Variants in ZNF140 observed in about 807,000 individuals in gnomAD.
ZNF140 encodes the protein zinc finger protein 140 (clone pHZ-39).
ZNF140 carries 13 observed loss-of-function variants against 12.9 expected under a neutral mutation model. The ratio of observed to expected loss-of-function variants is 1.01; its 90% CI spans 0.66 to 1.60. ZNF140 has a LOEUF of 1.60. ZNF140 is among the 40% of genes most tolerant of loss of function. The pLI is 0.00. For missense variants in ZNF140, 531 were observed against 548.8 expected (o/e 0.97, Z 0.32); for synonymous variants, 214 against 186.7 (o/e 1.15, Z -1.19).
chr12:133,095,186 G>T (rs1955024263), intron 4 of ZNF140, among the ~76,000 whole-genome samples: 1 of 150,968 alleles, frequency 6.6e-6, no homozygotes, highest in Non-Finnish European at 1.5e-5. Context: ...AAAGTTCCCT[G>T]TTCTGGAAAC....
chr12:133,105,453 C>T (rs1323963126), intron 4 of ZNF140, 57 bp from the exon 5 acceptor site: 15 of 1,471,956 alleles, frequency 1.0e-5, no homozygotes, highest in Non-Finnish European at 1.3e-5. Context: ...GAGAAATGGC[C>T]TTATTTTATT....
chr12:133,089,606 C>A (rs1954789489), intron 4 of ZNF140, among the ~76,000 whole-genome samples: 1 of 152,092 alleles, frequency 6.6e-6, no homozygotes, highest in African/African-American at 2.4e-5. Context: ...AGGAATTGGA[C>A]CATTTTAGCT....
At chr12:133,096,698 G>A (rs1041618829) in intron 4 of ZNF140, among the ~76,000 whole-genome samples, 30 of 152,224 alleles carry the variant, frequency 2.0e-4, no homozygotes, top group Admixed American at 1.4e-3. Flanking sequence ...TTCTGTTACT[G>A]ATTTCTGGTT....
At chr12:133,082,970 A>G in intron 2 of ZNF140, 133 bp from the exon 3 acceptor site, 1 of 1,357,260 alleles carries the variant, frequency 7.4e-7, no homozygotes, top group Non-Finnish European at 1.0e-6. Context: ...ATAATTACTC[A>G]GAATTCTGAA....
rs758545809 is a variant in ZNF140 at position 133,105,951 on chromosome 12, C to G, written c.674C>G (p.Thr225Arg). The change falls in exon 5 of 5, where the codon ACA becomes AGA. Residue 225 changes from threonine (T) to arginine (R), a missense_variant. Transcript: ENST00000355557. ...KPHECKDCNK[T>R]FSYLSFLIEH... Reference sequence around the variant, plus strand: ...CATGAGTGTAAGGACTGTAATAAAACATTCAGTTACCTTTCATTTCTTATT... The same window carrying G: ...CATGAGTGTAAGGACTGTAATAAAAGATTCAGTTACCTTTCATTTCTTATT... 6.2e-7 allele frequency: 1 copy of G among 1,614,098 alleles called. No individual in the cohort carries two copies. The highest frequency in any genetic ancestry group is 2.2e-5 in the East Asian group (1 of 44,880).
chr12:133,090,690 C>T (rs1292307006), intron 4 of ZNF140, among the ~76,000 whole-genome samples: 11 of 149,332 alleles, frequency 7.4e-5, no homozygotes, highest in Middle Eastern at 3.4e-3. Flanking sequence ...GCACCAGCAC[C>T]GGCCTCTGAG....
At chr12:133,105,238 C>T (rs1339932228) in intron 4 of ZNF140, among the ~76,000 whole-genome samples, 1 of 152,158 alleles carries the variant, frequency 6.6e-6, no homozygotes, top group South Asian at 2.1e-4. Flanking sequence ...AGACTAGCAA[C>T]CTATCCTTCA....
chr12:133,101,171 G>A, intron 4 of ZNF140: 1 of 241,400 alleles, frequency 4.1e-6, no homozygotes, highest in Non-Finnish European at 8.5e-6. Context: ...ACCTTGCTTG[G>A]TGTTCTCTGT....
Position 133,106,578 on chromosome 12 carries a change from C to G in ZNF140, c.1301C>G (p.Thr434Arg), listed in dbSNP as rs754434290. The change falls in exon 5 of 5, where the codon ACA becomes AGA. Residue 434 changes from threonine (T) to arginine (R), a missense_variant. Thr to Arg is a moderately conservative substitution (Grantham distance 71, BLOSUM62 -1). Coordinates refer to ENST00000355557, the MANE Select transcript of ZNF140 (RefSeq NM_003440.4). ...TCAAACCTTGCTAAACATCAGAGGACACACACTCTTGACAACCCCTATGAA... is the reference window on the plus strand; with the variant it reads ...TCAAACCTTGCTAAACATCAGAGGAGACACACTCTTGACAACCCCTATGAA... Reference protein sequence around the residue: ...WSSNLAKHQRTHTLDNPYEYE... With the variant: ...WSSNLAKHQRRHTLDNPYEYE... 6.2e-7 allele frequency: 1 copy of G among 1,613,528 alleles called. No homozygotes were observed. The highest frequency in any genetic ancestry group is 8.5e-7 in the Non-Finnish European group (1 of 1,179,912).
At chr12:133,095,284 A>G (rs1041183496) in intron 4 of ZNF140, among the ~76,000 whole-genome samples, 1 of 151,072 alleles carries the variant, frequency 6.6e-6, no homozygotes, top group Admixed American at 6.6e-5. Context: ...GAGAATTTTA[A>G]TGAAGCTGAG....
intron 4 of ZNF140, among the ~76,000 whole-genome samples, chr12:133,090,846 C>G (rs1344269649): frequency 7.7e-6 from 1 of 129,184 alleles, no homozygotes; most frequent in African/African-American, 2.8e-5. Context: ...GGTACTATGC[C>G]TAGATGTGCA....
intron 4 of ZNF140, among the ~76,000 whole-genome samples, chr12:133,101,949 T>G (rs1265372672): frequency 6.6e-6 from 1 of 152,126 alleles, no homozygotes; most frequent in South Asian, 2.1e-4. Context: ...GCTTGTTCAG[T>G]CTGTTCAAAC....
At chr12:133,096,163 T>C (rs770293386) in intron 4 of ZNF140, among the ~76,000 whole-genome samples, 2,869 of 144,116 alleles carry the variant, frequency 0.02, 74 homozygotes, top group Non-Finnish European at 0.03. Flanking sequence ...GAGGTCCCTG[T>C]GGCTTTCTGC....
chr12:133,095,540 G>A (rs1372902995), intron 4 of ZNF140, among the ~76,000 whole-genome samples: 3 of 151,752 alleles, frequency 2.0e-5, no homozygotes, highest in Non-Finnish European at 4.4e-5. Context: ...ACTGAGAAAA[G>A]AAAGAAGACA....
In ZNF140 at chr12:133,106,097, A is replaced by G. The variant is rs904638457; in HGVS notation, c.820A>G (p.Ile274Val). The G allele has an allele frequency of 1.9e-6, 3 of 1,613,970 alleles. No homozygotes were observed. The highest frequency in any genetic ancestry group is 2.7e-5 in the African/African-American group (2 of 74,920). Reference protein sequence around the residue: ...QRIHIGKKQYICRKCGKAFSS... With the variant: ...QRIHIGKKQYVCRKCGKAFSS... ...AATTCACATAGGAAAGAAACAATAT[A>G]TATGTAGGAAATGTGGTAAAGCATT... The change falls in exon 5 of 5, where the codon ATA becomes GTA. Residue 274 changes from isoleucine (I) to valine (V), a missense_variant. Coordinates refer to ENST00000355557, the MANE Select transcript of ZNF140 (RefSeq NM_003440.4).
In ZNF140 at chr12:133,083,181, T is replaced by G. The variant is rs1382211778; in HGVS notation, c.88T>G (p.Leu30Val). Residue 30 changes from leucine (L) to valine (V), a missense_variant, in exon 3 of 5, where the codon TTG becomes GTG. Transcript: ENST00000355557. ...ATGGCTTCAGCCTGCTCAAAGAGAT[T>G]TGTACAGATGTGTAATGTTGGAGAA... is the stretch of plus-strand genomic sequence containing the variant. ...WKWLQPAQRD[L>V]YRCVMLENYG... 2 of 1,614,192 alleles carry G rather than the reference T, an allele frequency of 1.2e-6. No individual in the cohort carries two copies. The highest frequency in any genetic ancestry group is 2.2e-5 in the East Asian group (1 of 44,882).
At chr12:133,100,391 C>T (rs1175206748) in intron 4 of ZNF140, among the ~76,000 whole-genome samples, 5 of 152,006 alleles carry the variant, frequency 3.3e-5, no homozygotes, top group African/African-American at 1.2e-4. Context: ...TGGTTGCAAA[C>T]TTCTGGCCTC....
At position 133,095,899 on chromosome 12, in the gene ZNF140, G is replaced by T. The variant is rs1011716048; in HGVS notation, c.233-9611G>T. On this transcript the variant is annotated intron_variant, in intron 4 of 4. Coordinates refer to ENST00000355557, the MANE Select transcript of ZNF140 (RefSeq NM_003440.4). ...TCGCCTCCCACCATAGGGCGGTTTT[G>T]CTACTATCTCAGAATTGAACAAATG... Among the ~76,000 whole-genome samples the T allele has an allele frequency of 6.3e-3, 910 of 145,268 alleles. 4 individuals carry two copies. The highest frequency in any genetic ancestry group is 0.017 in the African/African-American group (678 of 39,226).
At chr12:133,088,165 G>A (rs1266509607) in intron 4 of ZNF140, among the ~76,000 whole-genome samples, 1 of 151,728 alleles carries the variant, frequency 6.6e-6, no homozygotes, top group Non-Finnish European at 1.5e-5. Flanking sequence ...AAGAAAGAAG[G>A]GAGGAAGGAA....
Sources: allele counts gnomAD v4.1 joint callset (sites outside exome capture counted in the v4.1 genomes callset), GRCh38; gene constraint gnomAD v4.1.1; transcripts MANE v1.5; gene names NCBI Gene and HGNC (gene_info 2026-07-23, HGNC 2026-07-21).